Variants in RASGEF1A observed in about 807,000 individuals in gnomAD.
The protein encoded by RASGEF1A is RasGEF domain family member 1A.
A neutral mutation model predicts 56.4 loss-of-function variants in RASGEF1A; 18 were observed. That is an observed-to-expected ratio of 0.32 (90% CI 0.22 to 0.47). The LOEUF (loss-of-function observed/expected upper bound fraction) is 0.47. Ranked by LOEUF, RASGEF1A falls within the 20% of genes least tolerant of loss-of-function variation. The probability of loss-of-function intolerance (pLI) is 1.00; values close to 1 mark genes in which losing one functional copy is unlikely to be tolerated. For missense variants in RASGEF1A, 422 were observed against 627.1 expected (o/e 0.67, Z 3.49); for synonymous variants, 245 against 242.6 (o/e 1.01, Z -0.09).
chr10:43,263,439 G>A lies in RASGEF1A; in HGVS notation c.-7+3406C>T, dbSNP rs533365209. Among the ~76,000 whole-genome samples, 29 of 152,240 alleles carry A rather than the reference G, an allele frequency of 1.9e-4. No homozygotes were observed. In the East Asian group the frequency reaches 2.9e-3, roughly 15 times the overall value. ...GGGTGCGGACGGCTGAGCAAGTTTCGTTGTTTTTAAAAAAGGAAAAGCACC... is the reference window on the plus strand; with the variant it reads ...GGGTGCGGACGGCTGAGCAAGTTTCATTGTTTTTAAAAAAGGAAAAGCACC... On this transcript the variant is annotated intron_variant, in intron 1 of 12. Coordinates refer to ENST00000395810, the MANE Select transcript of RASGEF1A (RefSeq NM_145313.4).
rs1839786463 is a variant in RASGEF1A at position 43,195,721 on chromosome 10, T to G, written c.*523A>C. ...GACGCGACCTCCCAGCCACCAGCCC[T>G]CCTATGGAGCCTCGCAGCCCAGGCT... On this transcript the variant is annotated 3_prime_UTR_variant, in exon 13 of 13. Transcript: ENST00000395810. This position sits in a 1 kb window ranked among gnomAD's most constrained non-coding sequence, Gnocchi z 4.2. The G allele has an allele frequency of 6.6e-6, 1 of 152,646 alleles. No individual in the cohort carries two copies. The highest frequency in any genetic ancestry group is 1.5e-5 in the Non-Finnish European group (1 of 68,150). The allele number at this position is 152,646 out of a possible 1,614,324, so 9.5% of individuals were successfully genotyped here. A position where few individuals can be genotyped will look rare whatever the true frequency, so the allele number is the denominator to read the frequency against.
chr10:43,209,690 A>G lies in RASGEF1A; in HGVS notation c.-6-3568T>C, dbSNP rs2503852. On this transcript the variant is annotated intron_variant, in intron 1 of 12. Transcript: ENST00000395810. The stretch of plus-strand genomic sequence containing the variant: ...TGTGGAGAGCTCAGGAAGCCCCCCC[A>G]CCAGGGCTAGGCAGAGATAGGGCTG... 1.4e-3 allele frequency among the ~76,000 whole-genome samples: 195 copies of G among 143,482 alleles called. 1 individual carries two copies. The highest frequency in any genetic ancestry group is 4.6e-3 in the Admixed American group (66 of 14,376). The allele number at this position is 143,482 out of a possible 152,430, so 94.1% of individuals were successfully genotyped here.
At chr10:43,262,368 G>A (rs1272425252) in intron 1 of RASGEF1A, among the ~76,000 whole-genome samples, 1 of 152,166 alleles carries the variant, frequency 6.6e-6, no homozygotes, top group Non-Finnish European at 1.5e-5. Context: ...ACAACAAACA[G>A]GGTGCTGGCC....
chr10:43,249,806 CAG>C (rs955429272), intron 1 of RASGEF1A, among the ~76,000 whole-genome samples: 25 of 152,194 alleles, frequency 1.6e-4, no homozygotes, highest in African/African-American at 5.5e-4. Flanking sequence ...GAGTCCAAAA[CAG>C]AGGATGTTCC....
chr10:43,206,327 T>G (rs978816573), intron 1 of RASGEF1A, among the ~76,000 whole-genome samples: 1 of 152,170 alleles, frequency 6.6e-6, no homozygotes, highest in African/African-American at 2.4e-5. Flanking sequence ...CTGATCACTG[T>G]GTCTTCAGCT....
At chr10:43,263,110 G>A (rs943321396) in intron 1 of RASGEF1A, among the ~76,000 whole-genome samples, 1 of 152,192 alleles carries the variant, frequency 6.6e-6, no homozygotes, top group African/African-American at 2.4e-5. Flanking sequence ...GGGGGCTGAT[G>A]AGAGCTGGAA....
chr10:43,265,070 G>A (rs563606251), intron 1 of RASGEF1A, among the ~76,000 whole-genome samples: 17 of 152,144 alleles, frequency 1.1e-4, no homozygotes, highest in African/African-American at 3.1e-4. Flanking sequence ...CCCTCCCACC[G>A]CTGGGGGCCA....
chr10:43,242,055 G>A (rs527325357), intron 1 of RASGEF1A, among the ~76,000 whole-genome samples: 7 of 152,216 alleles, frequency 4.6e-5, no homozygotes, highest in South Asian at 2.1e-4. Context: ...GGAGAATGGC[G>A]TGAACCCAGG....
chr10:43,207,289 T>A, intron 1 of RASGEF1A: 1 of 985,422 alleles, frequency 1.0e-6, no homozygotes, highest in Non-Finnish European at 1.2e-6. Flanking sequence ...ACAGAGCAAA[T>A]TGTTGCCATG....
intron 1 of RASGEF1A, among the ~76,000 whole-genome samples, chr10:43,223,268 C>T (rs574329676): frequency 6.6e-6 from 1 of 152,254 alleles, no homozygotes; most frequent in African/African-American, 2.4e-5. Context: ...CAATGAAACC[C>T]AGTAAAGTCC....
At chr10:43,232,485 C>CTTTT (rs55766600) in intron 1 of RASGEF1A, among the ~76,000 whole-genome samples, 1,954 of 123,584 alleles carry the variant, frequency 0.016, 77 homozygotes, top group East Asian at 0.1. Context: ...CAGTCTCCGG[C>CTTTT]TTTTTTTTTT....
intron 1 of RASGEF1A, among the ~76,000 whole-genome samples, chr10:43,236,707 T>G (rs1045734753): frequency 6.6e-6 from 1 of 152,218 alleles, no homozygotes; most frequent in Admixed American, 6.5e-5. Context: ...AACCAGGACA[T>G]GAGGCATCCC....
chr10:43,202,656 A>ACCCCCCCCCCCC, intron 3 of RASGEF1A: 1 of 197,294 alleles, frequency 5.1e-6, no homozygotes, highest in South Asian at 3.1e-5. Flanking sequence ...CGGCCCCCGC[A>ACCCCCCCCCCCC]CCACCCAGCC....
intron 1 of RASGEF1A, among the ~76,000 whole-genome samples, chr10:43,212,503 C>A (rs1057056642): frequency 6.6e-6 from 1 of 152,134 alleles, no homozygotes; most frequent in Non-Finnish European, 1.5e-5. Context: ...GTGGGCCAGG[C>A]CTCCCATTGG....
intron 1 of RASGEF1A, among the ~76,000 whole-genome samples, chr10:43,222,363 G>A (rs1840219830): frequency 6.6e-6 from 1 of 152,148 alleles, no homozygotes; most frequent in Non-Finnish European, 1.5e-5. Context: ...CTGGTTGTCA[G>A]GGGAACCAAC....
intron 1 of RASGEF1A, chr10:43,207,481 A>G: frequency 2.0e-6 from 2 of 985,052 alleles, no homozygotes; most frequent in East Asian, 1.1e-4. Context: ...AAAAAAGAGC[A>G]TCTGGCCCAG....
At position 43,195,116 on chromosome 10, in the gene RASGEF1A, ACGGT is replaced by A; in HGVS notation, c.*1124_*1127del. On this transcript the variant is annotated 3_prime_UTR_variant, in exon 13 of 13. Coordinates refer to ENST00000395810, the MANE Select transcript of RASGEF1A (RefSeq NM_145313.4). This position sits in a 1 kb window ranked among gnomAD's most constrained non-coding sequence, Gnocchi z 4.2. ...AGGATGCGGAGTTCCTGCGAGGGAG[ACGGT>A]CCACGTGGATTGACCGTGTGCTTTC... 1 of 152,334 alleles carries A rather than the reference ACGGT, an allele frequency of 6.6e-6. No individual in the cohort carries two copies. Among genetic ancestry groups the A allele is most frequent in the African/African-American group, 2.4e-5 (1 of 41,558 alleles). The allele number at this position is 152,334 out of a possible 1,614,324, so 9.4% of individuals were successfully genotyped here.
At chr10:43,252,821 G>A (rs1461551007) in intron 1 of RASGEF1A, among the ~76,000 whole-genome samples, 2 of 151,950 alleles carry the variant, frequency 1.3e-5, no homozygotes, top group Admixed American at 6.6e-5. Context: ...CGCGGCGGGA[G>A]GCAGCACCCG....
chr10:43,207,749 T>G lies in RASGEF1A; in HGVS notation c.-6-1627A>C, dbSNP rs890873169. On this transcript the variant is annotated intron_variant, in intron 1 of 12. Coordinates refer to ENST00000395810, the MANE Select transcript of RASGEF1A (RefSeq NM_145313.4). The stretch of plus-strand genomic sequence containing the variant: ...ACATTCTCAGGCCTAGCCCCAGACC[T>G]GCTGGTCAGAAACTCTGGGGTGGAC... 3 of 975,890 alleles carry G rather than the reference T, an allele frequency of 3.1e-6. No homozygotes were observed. The African/African-American group carries it at 5.3e-5, about 17-fold the overall frequency. 60.5% of individuals were successfully genotyped at this position (975,890 alleles called of 1,614,324 possible). A position where few individuals can be genotyped will look rare whatever the true frequency, so the allele number is the denominator to read the frequency against.
Sources: gnomAD v4.1 joint callset for allele counts (sites outside exome capture counted in the v4.1 genomes callset) on GRCh38, gnomAD v4.1.1 for gene constraint, Gnocchi (gnomAD v3.1) non-coding constraint, MANE v1.5 for transcripts, NCBI Gene and HGNC (gene_info 2026-07-23, HGNC 2026-07-21) for gene names.